KCNQ5: variants seen among roughly 807,000 people sequenced by gnomAD.
KCNQ5 encodes the protein potassium voltage-gated channel subfamily Q member 5.
A neutral mutation model predicts 98.2 loss-of-function variants in KCNQ5; 30 were observed. The observed-to-expected ratio is 0.31, with a 90% confidence interval of 0.23 to 0.41. The LOEUF is 0.41. KCNQ5 is among the 10% of genes least tolerant of loss of function. KCNQ5 has a pLI of 1.00. For synonymous variants in KCNQ5, 458 were observed against 449.4 expected (o/e 1.02, Z -0.24); for missense variants, 835 against 1,182.5 (o/e 0.71, Z 4.31).
intron 3 of KCNQ5, among the ~76,000 whole-genome samples, chr6:73,069,552 T>C (rs547204435): frequency 6.6e-6 from 1 of 151,184 alleles, no homozygotes; most frequent in South Asian, 2.1e-4. Flanking sequence ...CTGCATGCAG[T>C]TGGTTTCTTA....
chr6:73,194,808 C>T lies in KCNQ5; in HGVS notation c.2193C>T (p.Thr731=), dbSNP rs1231782135. 4.3e-6 allele frequency: 7 copies of T among 1,614,186 alleles called. No individual in the cohort carries two copies. The highest frequency in any genetic ancestry group is 5.1e-6 in the Non-Finnish European group (6 of 1,180,038). Residue 731 remains threonine (T), a synonymous_variant, in exon 14 of 14, where the codon ACC becomes ACT. Transcript: ENST00000370398. ...SDGSAVAATN[T]IANQINTAPK... The stretch of plus-strand genomic sequence containing the variant: ...GCTCAGCAGTGGCAGCCACCAACAC[C>T]ATTGCAAACCAAATAAATACGGCAC...
At chr6:72,748,755 C>A (rs1055167060) in intron 1 of KCNQ5, among the ~76,000 whole-genome samples, 5 of 152,032 alleles carry the variant, frequency 3.3e-5, no homozygotes, top group African/African-American at 1.2e-4. Context: ...ACAAACCTGC[C>A]CCTGTTGGTG....
intron 3 of KCNQ5, among the ~76,000 whole-genome samples, chr6:73,051,705 CAAAAAAAAAAAAAAAAAAA>C (rs201199934): frequency 2.6e-4 from 25 of 97,178 alleles, no homozygotes; most frequent in Admixed American, 1.6e-3. Context: ...AAGATAGAGG[CAAAAAAAAAAAAAAAAAAA>C]AAAAAAAAAA....
chr6:72,727,873 C>T (rs1412943278), intron 1 of KCNQ5, among the ~76,000 whole-genome samples: 3 of 151,978 alleles, frequency 2.0e-5, no homozygotes, highest in Non-Finnish European at 4.4e-5. Context: ...CAGAGTCTTC[C>T]CATGGCCTTA....
At chr6:72,995,368 CAAA>C (rs376273426) in intron 1 of KCNQ5, among the ~76,000 whole-genome samples, 10 of 70,166 alleles carry the variant, frequency 1.4e-4, no homozygotes, top group Admixed American at 1.7e-4. Flanking sequence ...AACTCTGTCT[CAAA>C]AAAAAAAAAA....
At chr6:73,120,201 G>A (rs758604686) in intron 7 of KCNQ5, among the ~76,000 whole-genome samples, 12 of 151,954 alleles carry the variant, frequency 7.9e-5, no homozygotes, top group Non-Finnish European at 1.0e-4. Context: ...AGCTGAGATC[G>A]CACCACTGCA....
At chr6:73,127,159 A>G (rs1216857721) in intron 9 of KCNQ5, among the ~76,000 whole-genome samples, 1 of 152,190 alleles carries the variant, frequency 6.6e-6, no homozygotes, top group Non-Finnish European at 1.5e-5. Context: ...CCCAAGCAAA[A>G]TATCACAAAG....
chr6:72,630,681 A>ACATAACATTAT (rs2098920326), intron 1 of KCNQ5: 1 of 152,218 alleles, frequency 6.6e-6, no homozygotes, highest in South Asian at 2.1e-4. Flanking sequence ...TTATATGTAT[A>ACATAACATTAT]GTATATGTGT....
intron 7 of KCNQ5, among the ~76,000 whole-genome samples, chr6:73,114,872 T>C (rs1462859745): frequency 2.6e-5 from 4 of 152,208 alleles, no homozygotes; most frequent in Non-Finnish European, 5.9e-5. Context: ...AAGAAAAATA[T>C]ATATATTTGT....
At chr6:72,829,011 T>C (rs762534197) in intron 1 of KCNQ5, among the ~76,000 whole-genome samples, 5 of 152,134 alleles carry the variant, frequency 3.3e-5, no homozygotes, top group African/African-American at 4.8e-5. Flanking sequence ...TATATAGATA[T>C]ATTTATATTT....
chr6:72,822,787 T>A (rs1242389127), intron 1 of KCNQ5, among the ~76,000 whole-genome samples: 2 of 152,134 alleles, frequency 1.3e-5, no homozygotes, highest in Non-Finnish European at 2.9e-5. Context: ...AGGCCAGAAA[T>A]CCAAAATAGG....
chr6:72,645,342 T>C (rs1194389652), intron 1 of KCNQ5, among the ~76,000 whole-genome samples: 1 of 150,070 alleles, frequency 6.7e-6, no homozygotes, highest in East Asian at 1.9e-4. Flanking sequence ...ACAATGATGA[T>C]GCCACTGCAC....
chr6:73,138,212 G>T (rs1016371257), intron 10 of KCNQ5, among the ~76,000 whole-genome samples: 4 of 152,210 alleles, frequency 2.6e-5, no homozygotes, highest in African/African-American at 9.7e-5. Flanking sequence ...AGATGCAAAA[G>T]ATAGTGTCAG....
intron 1 of KCNQ5, among the ~76,000 whole-genome samples, chr6:72,956,125 T>A (rs1207519439): frequency 1.3e-5 from 2 of 152,254 alleles, no homozygotes; most frequent in African/African-American, 4.8e-5. Context: ...ATACATTTAG[T>A]GCTTTACATT....
At chr6:72,805,268 A>G (rs1774891728) in intron 1 of KCNQ5, among the ~76,000 whole-genome samples, 1 of 152,066 alleles carries the variant, frequency 6.6e-6, no homozygotes, top group African/African-American at 2.4e-5. Context: ...AGTCTCTCCA[A>G]TGTTTTCTTG....
At chr6:72,738,048 A>G (rs151116151) in intron 1 of KCNQ5, among the ~76,000 whole-genome samples, 1,706 of 152,142 alleles carry the variant, frequency 0.011, 32 homozygotes, top group African/African-American at 0.037. Context: ...CCAACTACTC[A>G]GGAGGCTGAG....
chr6:73,133,909 T>C lies in KCNQ5; in HGVS notation c.1468+268T>C, dbSNP rs558664114. Reference sequence around the variant, plus strand: ...TTAATTCTTCACTTGTATCTACAAATTTATTTCTCAGACAAGGGCCACATT... The same window carrying C: ...TTAATTCTTCACTTGTATCTACAAACTTATTTCTCAGACAAGGGCCACATT... On this transcript the variant is annotated intron_variant, in intron 10 of 13. Coordinates refer to ENST00000370398, the MANE Select transcript of KCNQ5 (RefSeq NM_019842.4). 202 of 585,076 alleles carry C rather than the reference T, an allele frequency of 3.5e-4. 3 individuals carry two copies. The highest frequency in any genetic ancestry group is 2.9e-3 in the South Asian group (189 of 65,524). The allele number at this position is 585,076 out of a possible 1,614,324, so 36.2% of individuals were successfully genotyped here.
intron 3 of KCNQ5, among the ~76,000 whole-genome samples, chr6:73,056,740 T>C (rs1338004243): frequency 6.6e-6 from 1 of 152,000 alleles, no homozygotes; most frequent in African/African-American, 2.4e-5. Flanking sequence ...TCCAGATCAG[T>C]ATAATAAAGG....
chr6:72,773,751 T>C (rs1349527334), intron 1 of KCNQ5, among the ~76,000 whole-genome samples: 2 of 152,184 alleles, frequency 1.3e-5, no homozygotes, highest in African/African-American at 4.8e-5. Flanking sequence ...TTCACTTCCC[T>C]AACAATTAAA....
Sources: gnomAD v4.1 joint callset for allele counts (sites outside exome capture counted in the v4.1 genomes callset) on GRCh38, gnomAD v4.1.1 for gene constraint, MANE v1.5 for transcripts, NCBI Gene and HGNC (gene_info 2026-07-23, HGNC 2026-07-21) for gene names.